DNM1L: variants seen among roughly 807,000 people sequenced by gnomAD.
The protein encoded by DNM1L is dynamin-1-like protein.
DNM1L carries 33 observed loss-of-function variants against 92.8 expected under a neutral mutation model. The ratio of observed to expected loss-of-function variants is 0.36; its 90% CI spans 0.27 to 0.48. The LOEUF (loss-of-function observed/expected upper bound fraction) is 0.48, where lower values mean the gene tolerates loss of function less well. DNM1L is among the 20% of genes least tolerant of loss of function. The pLI is 0.99. For missense variants in DNM1L, 485 were observed against 888.8 expected, an observed-to-expected ratio of 0.55 and a Z score of 5.78; for synonymous variants, 284 against 305.0, an observed-to-expected ratio of 0.93 and a Z score of 0.72.
chr12:32,739,495 A>G (rs1955131086), intron 16 of DNM1L, among the ~76,000 whole-genome samples: 1 of 152,236 alleles, frequency 6.6e-6, no homozygotes, highest in Admixed American at 6.5e-5. Context: ...ACTCACAGTG[A>G]CTGTCAGCCT....
intron 13 of DNM1L, among the ~76,000 whole-genome samples, chr12:32,735,408 T>C (rs973615977): frequency 6.6e-6 from 1 of 152,226 alleles, no homozygotes; most frequent in Non-Finnish European, 1.5e-5. Flanking sequence ...GAATTCTAGA[T>C]ACCGTGGCCT....
intron 1 of DNM1L, among the ~76,000 whole-genome samples, chr12:32,698,557 A>C (rs529725622): frequency 7.9e-5 from 12 of 152,254 alleles, no homozygotes; most frequent in Non-Finnish European, 1.3e-4. Flanking sequence ...AAATTAATCT[A>C]ATTTGAGTGG....
intron 4 of DNM1L, among the ~76,000 whole-genome samples, chr12:32,708,809 C>T (rs1953020867): frequency 1.3e-5 from 2 of 152,082 alleles, no homozygotes; most frequent in Middle Eastern, 3.4e-3. Context: ...ACACTAGGTA[C>T]TATCACTGCC....
chr12:32,710,158 AG>A (rs1953071540), intron 4 of DNM1L, among the ~76,000 whole-genome samples: 1 of 152,216 alleles, frequency 6.6e-6, no homozygotes. Flanking sequence ...CTTAGTCTGC[AG>A]GAGAGAAAAT....
intron 14 of DNM1L, chr12:32,737,612 C>T (rs568541627): frequency 8.5e-6 from 4 of 471,466 alleles, no homozygotes; most frequent in Non-Finnish European, 1.5e-5. Context: ...AGAAAAGAAT[C>T]TTATTAAATA....
chr12:32,740,904 A>G (rs964005031), intron 18 of DNM1L, among the ~76,000 whole-genome samples: 11 of 152,180 alleles, frequency 7.2e-5, no homozygotes, highest in Non-Finnish European at 1.5e-4. Context: ...TTTACTAGGA[A>G]ATATGTGTAT....
chr12:32,740,650 C>A (rs928838290), intron 18 of DNM1L, 132 bp downstream of exon 18: 1 of 789,868 alleles, frequency 1.3e-6, no homozygotes. Flanking sequence ...TCTGATAGTC[C>A]TTGGGTAACT....
Position 32,708,199 on chromosome 12 carries a change from CAGAA to C in DNM1L, c.349_352del (p.Arg117PhefsTer8), listed in dbSNP as rs746096174. 5 of 1,603,326 alleles carry C rather than the reference CAGAA, an allele frequency of 3.1e-6. No individual in the cohort carries two copies. The highest frequency in any genetic ancestry group is 2.7e-5 in the African/African-American group (2 of 74,554). ...ATTCGACAAGAAATTGAAAATGAAACAGAAAGAATTTCAGGAAATAATAAGGTAG... is the reference window on the plus strand; with the variant it reads ...ATTCGACAAGAAATTGAAAATGAAACAGAATTTCAGGAAATAATAAGGTAG... On this transcript the variant is annotated frameshift_variant, in exon 4 of 20. Coordinates refer to ENST00000549701, the MANE Select transcript of DNM1L (RefSeq NM_012062.5). LOFTEE classifies it high-confidence loss of function.
Position 32,731,015 on chromosome 12 carries a change from T to A in DNM1L, c.1081T>A (p.Cys361Ser). The A allele has an allele frequency of 6.2e-7, 1 of 1,613,980 alleles. No individual in the cohort carries two copies. Among genetic ancestry groups the A allele is most frequent in the Non-Finnish European group, 8.5e-7 (1 of 1,179,922 alleles). The change falls in exon 10 of 20, where the codon TGC becomes AGC. Residue 361 changes from cysteine to serine, a missense_variant and splice_region_variant. Physicochemically the swap from Cys to Ser is moderately radical, Grantham distance 112. Around this residue, in one of 11 missense-constraint regions of DNM1L, gnomAD observed 40 missense variants for 128.7 expected, o/e 0.31. Transcript: ENST00000549701. This position sits in a 1 kb window ranked among gnomAD's most constrained non-coding sequence, Gnocchi z 5.1. ...TAKYIETSEL[C>S]GGARICYIFH... ...ACCATATACTTCATTGCCTTTCAGA[T>A]GCGGTGGTGCTAGAATTTGTTATAT...
chr12:32,723,539 C>T (rs1953902698), intron 9 of DNM1L, among the ~76,000 whole-genome samples: 1 of 151,512 alleles, frequency 6.6e-6, no homozygotes, highest in African/African-American at 2.4e-5. Context: ...ACTAAAAATA[C>T]AAAAACTAGC....
intron 13 of DNM1L, 135 bp from the exon 14 acceptor site, chr12:32,736,970 A>G (rs1954927758): frequency 1.3e-5 from 10 of 791,986 alleles, no homozygotes; most frequent in African/African-American, 1.7e-5. Flanking sequence ...AAATATGATA[A>G]TTATGGCATG....
At chr12:32,735,914 CTT>C (rs1253200612) in intron 13 of DNM1L, among the ~76,000 whole-genome samples, 2 of 151,850 alleles carry the variant, frequency 1.3e-5, no homozygotes, top group African/African-American at 4.8e-5. Context: ...GAGGCTTTAA[CTT>C]ATATTTTTTT....
intron 5 of DNM1L, 114 bp from the exon 6 acceptor site, chr12:32,713,089 CTTTATT>C: frequency 4.1e-6 from 4 of 967,846 alleles, no homozygotes; most frequent in Non-Finnish European, 6.0e-6. Flanking sequence ...TTAGTAATGT[CTTTATT>C]TTTATTTTAA....
chr12:32,735,769 G>A (rs1954827738), intron 13 of DNM1L, among the ~76,000 whole-genome samples: 1 of 151,990 alleles, frequency 6.6e-6, no homozygotes, highest in Admixed American at 6.6e-5. Context: ...CCAGCTAGTA[G>A]GGAGGCTGCA....
intron 2 of DNM1L, chr12:32,706,598 G>A: frequency 4.6e-6 from 2 of 431,852 alleles, no homozygotes; most frequent in Non-Finnish European, 9.2e-6. Flanking sequence ...ACCTATGACT[G>A]GAAACTAATG....
chr12:32,736,614 A>C (rs747866956), intron 13 of DNM1L, among the ~76,000 whole-genome samples: 27 of 152,354 alleles, frequency 1.8e-4, no homozygotes, highest in Non-Finnish European at 3.8e-4. Context: ...AACCACAGAT[A>C]CTTCTTCAAG....
At chr12:32,680,105 A>C in intron 1 of DNM1L, 2 of 771,062 alleles carry the variant, frequency 2.6e-6, no homozygotes, top group Non-Finnish European at 3.2e-6. Context: ...GGTGTTGGGA[A>C]GGAATATCCG....
intron 1 of DNM1L, among the ~76,000 whole-genome samples, chr12:32,696,357 T>C (rs1229968241): frequency 7.0e-6 from 1 of 143,764 alleles, no homozygotes; most frequent in Non-Finnish European, 1.5e-5. Flanking sequence ...GGCAATATAG[T>C]GAGACCCTGT....
intron 1 of DNM1L, among the ~76,000 whole-genome samples, chr12:32,687,294 A>G (rs1376335342): frequency 6.6e-6 from 1 of 151,416 alleles, no homozygotes; most frequent in African/African-American, 2.4e-5. Context: ...CTTTTGATCC[A>G]TTTTGAGTAC....
Sources: allele counts gnomAD v4.1 joint callset (sites outside exome capture counted in the v4.1 genomes callset), GRCh38; gene constraint gnomAD v4.1.1; regional missense constraint gnomAD v4.1.1; non-coding constraint Gnocchi (gnomAD v3.1); transcripts MANE v1.5; gene names NCBI Gene and HGNC (gene_info 2026-07-23, HGNC 2026-07-21).